CDK17: variants seen among roughly 807,000 people sequenced by gnomAD.
CDK17 encodes the protein cyclin dependent kinase 17, also known as cyclin-dependent kinase 17.
In CDK17, 24 loss-of-function variants were observed where a neutral mutation model predicts 77.6. The observed-to-expected ratio is 0.31, with a 90% confidence interval of 0.22 to 0.44. The LOEUF (loss-of-function observed/expected upper bound fraction) is 0.44, where lower values mean the gene tolerates loss of function less well. Ranked by LOEUF, CDK17 falls within the 20% of genes least tolerant of loss-of-function variation. The pLI, the probability that CDK17 is intolerant of heterozygous loss-of-function variation, is 1.00. For synonymous variants in CDK17, 203 were observed against 210.4 expected (o/e 0.96, Z 0.30); for missense variants, 429 against 622.5 (o/e 0.69, Z 3.31).
At chr12:96,281,520 C>T (rs1364836485) in intron 15 of CDK17, among the ~76,000 whole-genome samples, 3 of 152,194 alleles carry the variant, frequency 2.0e-5, no homozygotes, top group Admixed American at 6.5e-5. Flanking sequence ...AGGTACGCGC[C>T]ACCACGCCCA....
intron 1 of CDK17, among the ~76,000 whole-genome samples, chr12:96,390,419 A>G (rs1954048342): frequency 6.7e-6 from 1 of 149,716 alleles, no homozygotes; most frequent in Non-Finnish European, 1.5e-5. Flanking sequence ...GCATTTTAAA[A>G]AAGCCTTGGC....
intron 1 of CDK17, among the ~76,000 whole-genome samples, chr12:96,338,385 A>C (rs74777499): frequency 7.1e-4 from 108 of 152,264 alleles, no homozygotes; most frequent in African/African-American, 2.5e-3. Context: ...TTTTCTCTTA[A>C]GTTCTATGAG....
chr12:96,363,222 G>A (rs1010407891), intron 1 of CDK17, among the ~76,000 whole-genome samples: 6 of 151,964 alleles, frequency 3.9e-5, no homozygotes, highest in Admixed American at 6.6e-5. Context: ...AGGCCGAGAC[G>A]GGAGGGTCAC....
chr12:96,361,683 T>C (rs1477645115), intron 1 of CDK17, among the ~76,000 whole-genome samples: 1 of 152,218 alleles, frequency 6.6e-6, no homozygotes, highest in Non-Finnish European at 1.5e-5. Context: ...TTTGAAAGAA[T>C]GACCCTTCTG....
At chr12:96,316,426 A>T (rs4474489) in intron 3 of CDK17, among the ~76,000 whole-genome samples, 33 of 142,112 alleles carry the variant, frequency 2.3e-4, no homozygotes, top group Middle Eastern at 3.7e-3. Flanking sequence ...CAAAGCAGCC[A>T]CGAAGCTCGA....
chr12:96,306,003 T>C (rs1026419219), intron 5 of CDK17, among the ~76,000 whole-genome samples: 24 of 152,178 alleles, frequency 1.6e-4, no homozygotes, highest in Non-Finnish European at 3.4e-4. Flanking sequence ...ATTACAGGCA[T>C]GAGCCACAAC....
intron 4 of CDK17, among the ~76,000 whole-genome samples, chr12:96,312,633 A>G (rs540604173): frequency 6.6e-6 from 1 of 152,330 alleles, no homozygotes; most frequent in South Asian, 2.1e-4. Flanking sequence ...GCACCAAAAA[A>G]GCAACAATAC....
At chr12:96,311,264 T>A in intron 4 of CDK17, 87 bp from the exon 5 acceptor site, 2 of 1,119,698 alleles carry the variant, frequency 1.8e-6, no homozygotes, top group Non-Finnish European at 2.4e-6. Context: ...TATTTCTTAG[T>A]GATAAGTAAT....
intron 11 of CDK17, among the ~76,000 whole-genome samples, chr12:96,287,635 G>A (rs892847690): frequency 6.6e-6 from 1 of 151,992 alleles, no homozygotes. Context: ...TGGACAACAT[G>A]GTGAGACAAT....
At chr12:96,334,694 A>G in intron 2 of CDK17, 25 bp downstream of exon 2, 1 of 1,205,862 alleles carries the variant, frequency 8.3e-7, no homozygotes, top group Non-Finnish European at 1.2e-6. Context: ...AGGAGGAAGC[A>G]TCTCCCCCTA....
intron 10 of CDK17, among the ~76,000 whole-genome samples, chr12:96,293,685 C>T (rs576223297): frequency 6.6e-6 from 1 of 152,104 alleles, no homozygotes; most frequent in Admixed American, 6.5e-5. Flanking sequence ...TTAAATGGGT[C>T]TTTTATCCAT....
intron 1 of CDK17, among the ~76,000 whole-genome samples, chr12:96,336,552 C>T (rs142292605): frequency 1.7e-4 from 26 of 152,232 alleles, no homozygotes; most frequent in African/African-American, 5.3e-4. Flanking sequence ...GCAAGAGTTG[C>T]GACTGCACTT....
At chr12:96,340,166 A>G (rs1252939176) in intron 1 of CDK17, among the ~76,000 whole-genome samples, 1 of 151,996 alleles carries the variant, frequency 6.6e-6, no homozygotes, top group East Asian at 1.9e-4. Flanking sequence ...ATAGAATCAC[A>G]TAAACCTTAA....
chr12:96,338,897 C>T, intron 1 of CDK17, among the ~76,000 whole-genome samples: 1 of 151,718 alleles, frequency 6.6e-6, no homozygotes, highest in East Asian at 1.9e-4. Flanking sequence ...CACCATTTTC[C>T]ATCTCCAGAA....
chr12:96,392,081 C>T (rs761129214), intron 1 of CDK17, among the ~76,000 whole-genome samples: 6 of 152,122 alleles, frequency 3.9e-5, no homozygotes, highest in South Asian at 4.1e-4. Flanking sequence ...TGGAGCACAA[C>T]GCCAGCCAAA....
chr12:96,322,034 A>C (rs1026612461), intron 3 of CDK17, among the ~76,000 whole-genome samples: 3 of 152,232 alleles, frequency 2.0e-5, no homozygotes, highest in Non-Finnish European at 4.4e-5. Context: ...AAAGCTTACT[A>C]ATCTCAGACT....
intron 1 of CDK17, among the ~76,000 whole-genome samples, chr12:96,394,345 T>C (rs1375464020): frequency 1.3e-5 from 2 of 152,072 alleles, no homozygotes; most frequent in African/African-American, 4.8e-5. Flanking sequence ...ATTATAAGAA[T>C]AGTAGATTAA....
Position 96,395,714 on chromosome 12 carries a change from A to T in CDK17, c.-30+4272T>A, listed in dbSNP as rs2137253583. Among the ~76,000 whole-genome samples the T allele has an allele frequency of 3.3e-5, 5 of 152,314 alleles. No individual in the cohort carries two copies. The South Asian group carries it at 1.0e-3, about 32-fold the overall frequency. ...AGAGGTGGACCTTTGGGAAGTAATTAGGTTTAGATTAGGTCCTAAGAGTGA... is the reference window on the plus strand; with the variant it reads ...AGAGGTGGACCTTTGGGAAGTAATTTGGTTTAGATTAGGTCCTAAGAGTGA... On this transcript the variant is annotated intron_variant, in intron 1 of 16. Transcript: ENST00000261211.
chr12:96,322,673 ATAAC>A (rs1397726018), intron 3 of CDK17, among the ~76,000 whole-genome samples: 1 of 152,212 alleles, frequency 6.6e-6, no homozygotes, highest in Non-Finnish European at 1.5e-5. Flanking sequence ...GTTTTTGACT[ATAAC>A]TAGAACAGAA....
Sources: gnomAD v4.1 joint callset for allele counts (sites outside exome capture counted in the v4.1 genomes callset) on GRCh38, gnomAD v4.1.1 for gene constraint, MANE v1.5 for transcripts, NCBI Gene and HGNC (gene_info 2026-07-23, HGNC 2026-07-21) for gene names.